The following ST8SIA4 variants were observed in gnomAD, a reference collection of about 807,000 sequenced individuals.
ST8SIA4 encodes the protein CMP-N-acetylneuraminate-poly-alpha-2,8-sialyltransferase.
In ST8SIA4, 15 loss-of-function variants were observed where a neutral mutation model predicts 33.9. The ratio of observed to expected loss-of-function variants is 0.44; its 90% confidence interval spans 0.30 to 0.68. The LOEUF is 0.68. Ranked by LOEUF, ST8SIA4 falls within the 30% of genes least tolerant of loss-of-function variation. ST8SIA4 has a pLI of 0.10. For synonymous variants in ST8SIA4, 171 were observed against 151.2 expected (o/e 1.13, Z -0.96); for missense variants, 321 against 428.0 (o/e 0.75, Z 2.21).
intron 4 of ST8SIA4, among the ~76,000 whole-genome samples, chr5:100,827,633 G>A (rs1308536508): frequency 1.3e-5 from 2 of 152,170 alleles, no homozygotes; most frequent in African/African-American, 4.8e-5. Context: ...CATCTTGACA[G>A]GTCATATCCT....
At chr5:100,899,770 C>T (rs1474599915) in intron 1 of ST8SIA4, among the ~76,000 whole-genome samples, 1 of 152,064 alleles carries the variant, frequency 6.6e-6, no homozygotes, top group African/African-American at 2.4e-5. Context: ...CCAGTTATAC[C>T]CAAAAGTGCA....
At chr5:100,852,699 A>G (rs996037484) in intron 4 of ST8SIA4, among the ~76,000 whole-genome samples, 39 of 152,180 alleles carry the variant, frequency 2.6e-4, no homozygotes, top group Admixed American at 3.3e-4. Context: ...AAGAATGACA[A>G]TATATTACAA....
intron 2 of ST8SIA4, among the ~76,000 whole-genome samples, chr5:100,892,018 T>C (rs1414756262): frequency 2.0e-5 from 3 of 152,074 alleles, no homozygotes; most frequent in Non-Finnish European, 4.4e-5. Context: ...GTTTTATGTA[T>C]TTCAGATTAT....
chr5:100,844,930 C>T (rs1751536514), intron 4 of ST8SIA4, among the ~76,000 whole-genome samples: 1 of 152,042 alleles, frequency 6.6e-6, no homozygotes. Flanking sequence ...CAATAGGAAT[C>T]TGATATGGCA....
intron 4 of ST8SIA4, among the ~76,000 whole-genome samples, chr5:100,847,763 T>C (rs1010932447): frequency 1.3e-5 from 2 of 152,108 alleles, no homozygotes; most frequent in African/African-American, 4.8e-5. Context: ...TCACTTGATA[T>C]CCGTAAGACG....
At chr5:100,862,660 CCAAGTAGCTGGGATTA>C (rs1257133683) in intron 3 of ST8SIA4, among the ~76,000 whole-genome samples, 1 of 152,188 alleles carries the variant, frequency 6.6e-6, no homozygotes, top group East Asian at 1.9e-4. Context: ...CCTCTGCCTC[CCAAGTAGCTGGGATTA>C]CAGGCATGAG....
intron 3 of ST8SIA4, among the ~76,000 whole-genome samples, chr5:100,861,028 A>G (rs999688303): frequency 2.0e-5 from 3 of 152,208 alleles, no homozygotes; most frequent in African/African-American, 7.2e-5. Flanking sequence ...GTATTAAATA[A>G]CTAATTGATA....
intron 3 of ST8SIA4, chr5:100,885,578 G>A: frequency 1.1e-6 from 1 of 930,226 alleles, no homozygotes; most frequent in South Asian, 5.0e-5. Context: ...CAATATCCAT[G>A]TTTCTGTCAT....
intron 1 of ST8SIA4, among the ~76,000 whole-genome samples, chr5:100,896,277 G>A (rs4703130): frequency 0.39 from 59,418 of 151,900 alleles, 12,159 homozygotes; most frequent in African/African-American, 0.51. Context: ...CTTAAAAAGA[G>A]CAAAATCCTG....
chr5:100,888,303 G>C (rs114643186), intron 2 of ST8SIA4, among the ~76,000 whole-genome samples: 1,542 of 151,792 alleles, frequency 0.01, 40 homozygotes, highest in African/African-American at 0.036. Flanking sequence ...ACCAGTACAA[G>C]TTTTCCTAGT....
chr5:100,831,803 T>C (rs1451364016), intron 4 of ST8SIA4, among the ~76,000 whole-genome samples: 1 of 152,134 alleles, frequency 6.6e-6, no homozygotes, highest in Non-Finnish European at 1.5e-5. Context: ...AAAATATATA[T>C]TTTTTAAAAA....
rs1274733086 is a variant in ST8SIA4 at position 100,903,147 on chromosome 5, C to G, written c.-192G>C. 1 of 584,494 alleles carries G rather than the reference C, an allele frequency of 1.7e-6. No individual in the cohort carries two copies. Among genetic ancestry groups the G allele is most frequent in the Admixed American group, 3.0e-5 (1 of 32,918 alleles). The allele number at this position is 584,494 out of a possible 1,614,324, so 36.2% of individuals were successfully genotyped here. A position where few individuals can be genotyped will look rare whatever the true frequency, so the allele number is the denominator to read the frequency against. On this transcript the variant is annotated 5_prime_UTR_variant, in exon 1 of 5. Transcript: ENST00000231461. The stretch of plus-strand genomic sequence containing the variant: ...CCTCTGGTCCTCGAACGCTGCCCAG[C>G]GACCTCTCGCCCTGTTTGCGCCAGC...
At chr5:100,873,576 C>T (rs1054115276) in intron 3 of ST8SIA4, among the ~76,000 whole-genome samples, 2 of 152,074 alleles carry the variant, frequency 1.3e-5, no homozygotes, top group African/African-American at 4.8e-5. Flanking sequence ...TCAGAGTCCA[C>T]CATATAACAC....
At chr5:100,821,583 T>G (rs1455474211) in intron 4 of ST8SIA4, among the ~76,000 whole-genome samples, 1 of 152,212 alleles carries the variant, frequency 6.6e-6, no homozygotes, top group African/African-American at 2.4e-5. Flanking sequence ...ACCTCCCAGA[T>G]AGTTGTGCTA....
At chr5:100,834,272 A>G (rs973272001) in intron 4 of ST8SIA4, among the ~76,000 whole-genome samples, 11 of 152,166 alleles carry the variant, frequency 7.2e-5, no homozygotes, top group African/African-American at 2.4e-4. Flanking sequence ...TGTAGGGCAT[A>G]GAGAGCAGAA....
rs760116482 is a variant in ST8SIA4 at position 100,856,091 on chromosome 5, C to G, written c.797+12G>C. The G allele has an allele frequency of 6.2e-7, 1 of 1,611,658 alleles. No homozygotes were observed. Among genetic ancestry groups the G allele is most frequent in the Non-Finnish European group, 8.5e-7 (1 of 1,178,158 alleles). Reference sequence around the variant, plus strand: ...TGTGCCAAGGACAAACTGGTCCTTTCCAGTCACTTACCCTCTGACAGCATG... The same window carrying G: ...TGTGCCAAGGACAAACTGGTCCTTTGCAGTCACTTACCCTCTGACAGCATG... On this transcript the variant is annotated intron_variant, in intron 4 of 4. Coordinates refer to ENST00000231461, the MANE Select transcript of ST8SIA4 (RefSeq NM_005668.6).
chr5:100,834,725 T>C (rs1296053597), intron 4 of ST8SIA4, among the ~76,000 whole-genome samples: 1 of 152,026 alleles, frequency 6.6e-6, no homozygotes, highest in Non-Finnish European at 1.5e-5. Flanking sequence ...GATATGATTG[T>C]TTAAAAGTGT....
At chr5:100,814,631 C>G (rs548610773) in intron 4 of ST8SIA4, among the ~76,000 whole-genome samples, 1 of 151,794 alleles carries the variant, frequency 6.6e-6, no homozygotes, top group Non-Finnish European at 1.5e-5. Context: ...TAAGTAATAA[C>G]TTTCTAAAAA....
At chr5:100,832,347 A>G (rs116271831) in intron 4 of ST8SIA4, among the ~76,000 whole-genome samples, 2,555 of 151,434 alleles carry the variant, frequency 0.017, 29 homozygotes, top group Admixed American at 0.026. Flanking sequence ...CTCAATTTCT[A>G]AAAAAAAATG....
Sources: allele counts gnomAD v4.1 joint callset (sites outside exome capture counted in the v4.1 genomes callset), GRCh38; gene constraint gnomAD v4.1.1; transcripts MANE v1.5; gene names NCBI Gene and HGNC (gene_info 2026-07-23, HGNC 2026-07-21).